KANSL1L: variants seen among roughly 807,000 people sequenced by gnomAD.
KANSL1L encodes KAT8 regulatory NSL complex subunit 1 like.
In KANSL1L, 25 loss-of-function variants were observed where a neutral mutation model predicts 108.6. The observed-to-expected ratio is 0.23, with a 90% CI of 0.17 to 0.32. The LOEUF (loss-of-function observed/expected upper bound fraction) is 0.32. Among genes scored for constraint, KANSL1L ranks in the 10% least tolerant of loss-of-function variants. The pLI, the probability that KANSL1L is intolerant of heterozygous loss-of-function variation, is 1.00. For missense variants in KANSL1L, 1,137 were observed against 1,125.7 expected, an observed-to-expected ratio of 1.01 and a Z score of -0.14; for synonymous variants, 405 against 395.1, an observed-to-expected ratio of 1.03 and a Z score of -0.30.
intron 6 of KANSL1L, among the ~76,000 whole-genome samples, chr2:210,050,878 G>C (rs965601829): frequency 6.6e-6 from 1 of 151,862 alleles, no homozygotes; most frequent in African/African-American, 2.4e-5. Context: ...TGAGTAGCTG[G>C]GACTATAGGT....
At chr2:210,066,077 C>G (rs2094464830) in intron 6 of KANSL1L, among the ~76,000 whole-genome samples, 2 of 152,090 alleles carry the variant, frequency 1.3e-5, no homozygotes. Context: ...GTATTCTTGC[C>G]CTTGTATAGT....
At chr2:210,155,562 A>G (rs2095328560) in intron 1 of KANSL1L, among the ~76,000 whole-genome samples, 1 of 152,234 alleles carries the variant, frequency 6.6e-6, no homozygotes, top group Non-Finnish European at 1.5e-5. Flanking sequence ...AATATGCATC[A>G]GAATATGCAT....
At chr2:210,131,321 A>G (rs2095118005) in intron 2 of KANSL1L, among the ~76,000 whole-genome samples, 1 of 152,198 alleles carries the variant, frequency 6.6e-6, no homozygotes, top group South Asian at 2.1e-4. Flanking sequence ...AGATATGTAG[A>G]TAAAAGAATG....
chr2:210,084,618 T>TC (rs879649770), intron 5 of KANSL1L, among the ~76,000 whole-genome samples: 24 of 152,124 alleles, frequency 1.6e-4, no homozygotes, highest in Non-Finnish European at 3.2e-4. Context: ...TCTTTTTTTT[T>TC]TCTCTCTCTT....
intron 2 of KANSL1L, among the ~76,000 whole-genome samples, chr2:210,130,705 A>C (rs2095111747): frequency 1.3e-5 from 2 of 152,244 alleles, no homozygotes; most frequent in Non-Finnish European, 2.9e-5. Flanking sequence ...TATACTATTC[A>C]TAGTTAACAG....
Position 210,031,403 on chromosome 2 carries a change from A to T in KANSL1L, c.2155+18T>A. ...TTTAATATTTATCACTACTGCTTAT[A>T]TCCTCACTTTAACCTACCTAATGCT... On this transcript the variant is annotated intron_variant, in intron 9 of 14. Transcript: ENST00000281772. The T allele has an allele frequency of 1.9e-6, 3 of 1,551,938 alleles. No homozygotes were observed. The highest frequency in any genetic ancestry group is 2.7e-6 in the Non-Finnish European group (3 of 1,130,934).
At chr2:210,039,813 A>T (rs550792098) in intron 8 of KANSL1L, among the ~76,000 whole-genome samples, 1 of 151,660 alleles carries the variant, frequency 6.6e-6, no homozygotes, top group South Asian at 2.1e-4. Flanking sequence ...ACTGGGAAAG[A>T]CTCTCTCCAT....
chr2:210,075,845 G>T, intron 5 of KANSL1L, 89 bp from the exon 6 acceptor site: 1 of 953,132 alleles, frequency 1.0e-6, no homozygotes, highest in Non-Finnish European at 1.6e-6. Context: ...AATGTAAATT[G>T]CCTTGATCTA....
chr2:210,052,086 C>T (rs911237476), intron 6 of KANSL1L, among the ~76,000 whole-genome samples: 2 of 150,956 alleles, frequency 1.3e-5, no homozygotes, highest in African/African-American at 4.9e-5. Flanking sequence ...CTCACTGCAG[C>T]CTCTACTGCC....
Position 210,044,100 on chromosome 2 carries a change from A to G in KANSL1L, c.1760T>C (p.Leu587Ser). 6.3e-7 allele frequency: 1 copy of G among 1,577,658 alleles called. No homozygotes were observed. Residue 587 changes from leucine to serine, a missense_variant, in exon 7 of 15, where the codon TTG becomes TCG. Leu to Ser is a moderately radical substitution (Grantham distance 145). Transcript: ENST00000281772. This position sits in a 1 kb window ranked among gnomAD's most constrained non-coding sequence, Gnocchi z 4.2. ...SPTFYWTPQT[L>S]PSKETAFLNT... ...TAAAAATGCTGTTTCTTTTGAAGGC[A>G]AAGTCTGCAAGGAAAAACCGTATTA... is the stretch of plus-strand genomic sequence containing the variant.
chr2:210,135,060 A>G (rs1219351807), intron 2 of KANSL1L, among the ~76,000 whole-genome samples: 1 of 152,184 alleles, frequency 6.6e-6, no homozygotes, highest in African/African-American at 2.4e-5. Context: ...CCACTGCCAG[A>G]GCAAGAAGTC....
chr2:210,083,679 A>AT (rs964546961), intron 5 of KANSL1L, among the ~76,000 whole-genome samples: 1 of 151,654 alleles, frequency 6.6e-6, no homozygotes, highest in African/African-American at 2.4e-5. Flanking sequence ...ATACAAAAAA[A>AT]TTAGCCGGGC....
At chr2:210,075,431 G>GTTT in intron 6 of KANSL1L, 121 bp downstream of exon 6, 1 of 665,930 alleles carries the variant, frequency 1.5e-6, no homozygotes, top group South Asian at 2.0e-5. Flanking sequence ...ATATTTGTAA[G>GTTT]TTTTCTACAT....
intron 7 of KANSL1L, among the ~76,000 whole-genome samples, chr2:210,042,904 A>G (rs1036102084): frequency 5.9e-5 from 9 of 152,326 alleles, no homozygotes; most frequent in African/African-American, 2.2e-4. Context: ...GTGCTTTACA[A>G]ATAAATCAGT....
chr2:210,051,403 GT>G (rs2094290980), intron 6 of KANSL1L, among the ~76,000 whole-genome samples: 1 of 152,026 alleles, frequency 6.6e-6, no homozygotes, highest in South Asian at 2.1e-4. Context: ...TGTTTCCATA[GT>G]AGTCATATAT....
At chr2:210,140,556 GT>G (rs1282088512) in intron 2 of KANSL1L, among the ~76,000 whole-genome samples, 1 of 152,138 alleles carries the variant, frequency 6.6e-6, no homozygotes, top group African/African-American at 2.4e-5. Context: ...GACTATTATA[GT>G]TTTCTCAATG....
intron 1 of KANSL1L, among the ~76,000 whole-genome samples, chr2:210,169,749 T>C (rs1688217230): frequency 6.6e-6 from 1 of 152,188 alleles, no homozygotes; most frequent in Admixed American, 6.5e-5. Context: ...AGGTGGAAAC[T>C]GAGGGAGAAC....
At chr2:210,144,515 C>T (rs566367050) in intron 2 of KANSL1L, among the ~76,000 whole-genome samples, 11 of 152,276 alleles carry the variant, frequency 7.2e-5, no homozygotes, top group Non-Finnish European at 1.0e-4. Context: ...ATTTTTCCTT[C>T]TCTGACTGGA....
At chr2:210,113,243 C>T (rs774869300) in intron 3 of KANSL1L, among the ~76,000 whole-genome samples, 1 of 152,046 alleles carries the variant, frequency 6.6e-6, no homozygotes, top group Non-Finnish European at 1.5e-5. Context: ...TTCTCTTTTC[C>T]CCTTTTGGGA....
Sources: gnomAD v4.1 joint callset for allele counts (sites outside exome capture counted in the v4.1 genomes callset) on GRCh38, gnomAD v4.1.1 for gene constraint, Gnocchi (gnomAD v3.1) non-coding constraint, MANE v1.5 for transcripts, NCBI Gene and HGNC (gene_info 2026-07-23, HGNC 2026-07-21) for gene names.